DENND1A: variants seen among roughly 807,000 people sequenced by gnomAD.
DENND1A encodes DENN domain containing 1A.
Under a neutral mutation model 113.7 loss-of-function variants are expected in DENND1A, and 51 were observed. That is an observed-to-expected ratio of 0.45 (90% confidence interval 0.36 to 0.57). The LOEUF is 0.57. Ranked by LOEUF, DENND1A falls within the 20% of genes least tolerant of loss-of-function variation. DENND1A has a pLI of 0.00. For synonymous variants in DENND1A, 565 were observed against 570.8 expected, an observed-to-expected ratio of 0.99 and a Z score of 0.14; for missense variants, 1,258 against 1,395.9, an observed-to-expected ratio of 0.90 and a Z score of 1.57.
At chr9:123,540,986 C>T (rs2056247599) in intron 13 of DENND1A, among the ~76,000 whole-genome samples, 1 of 152,210 alleles carries the variant, frequency 6.6e-6, no homozygotes, top group African/African-American at 2.4e-5. Context: ...CACCCAGGAG[C>T]TTTCTCTATC....
At chr9:123,555,224 C>A (rs963111134) in intron 13 of DENND1A, among the ~76,000 whole-genome samples, 5 of 152,180 alleles carry the variant, frequency 3.3e-5, no homozygotes, top group African/African-American at 1.2e-4. Flanking sequence ...TCCCATAACA[C>A]TCCTCTAACT....
intron 7 of DENND1A, among the ~76,000 whole-genome samples, chr9:123,670,179 C>T (rs915258993): frequency 2.0e-5 from 3 of 152,088 alleles, no homozygotes; most frequent in Non-Finnish European, 4.4e-5. Flanking sequence ...TTGAAAAAAC[C>T]TACAAGGAAT....
chr9:123,904,232 A>G (rs1195567052), intron 1 of DENND1A, among the ~76,000 whole-genome samples: 2 of 152,120 alleles, frequency 1.3e-5, no homozygotes, highest in African/African-American at 2.4e-5. Context: ...CACCATCATC[A>G]AAGACCAAAA....
chr9:123,600,578 T>C (rs1184360510), intron 11 of DENND1A, among the ~76,000 whole-genome samples: 1 of 152,210 alleles, frequency 6.6e-6, no homozygotes, highest in East Asian at 1.9e-4. Context: ...TTTAAGAGGA[T>C]AGCAAAAGAA....
chr9:123,442,498 C>T (rs2047001211), intron 18 of DENND1A, among the ~76,000 whole-genome samples: 1 of 151,874 alleles, frequency 6.6e-6, no homozygotes, highest in African/African-American at 2.4e-5. Flanking sequence ...GAAGATCCTA[C>T]AAGATAGATA....
chr9:123,556,983 A>G (rs2057453958), intron 13 of DENND1A, among the ~76,000 whole-genome samples: 1 of 152,230 alleles, frequency 6.6e-6, no homozygotes, highest in African/African-American at 2.4e-5. Flanking sequence ...GAAAGGGGGA[A>G]GGGCCAGAGG....
At chr9:123,710,357 T>C (rs1223144439) in intron 5 of DENND1A, among the ~76,000 whole-genome samples, 1 of 152,232 alleles carries the variant, frequency 6.6e-6, no homozygotes, top group Non-Finnish European at 1.5e-5. Flanking sequence ...TGAAGGCCTT[T>C]TGTTTAGTTA....
chr9:123,705,041 T>C (rs566928352), intron 5 of DENND1A, among the ~76,000 whole-genome samples: 3 of 150,342 alleles, frequency 2.0e-5, no homozygotes, highest in South Asian at 4.2e-4. Context: ...TGTTCCAGAA[T>C]TGCTGAAATC....
chr9:123,697,601 T>C (rs540514749), intron 5 of DENND1A, among the ~76,000 whole-genome samples: 94 of 152,312 alleles, frequency 6.2e-4, no homozygotes, highest in Non-Finnish European at 1.0e-3. Context: ...TGCATCCTCA[T>C]AGCTTAGCTC....
At chr9:123,818,565 C>CATATAT (rs1366921470) in intron 2 of DENND1A, among the ~76,000 whole-genome samples, 145 of 45,458 alleles carry the variant, frequency 3.2e-3, no homozygotes, top group African/African-American at 6.8e-3. Context: ...CACACACACA[C>CATATAT]ACATATATAT....
chr9:123,401,950 T>C (rs765338835), intron 21 of DENND1A: 1 of 1,614,070 alleles, frequency 6.2e-7, no homozygotes. Flanking sequence ...TACATCTCAA[T>C]ATCAACAGGC....
At chr9:123,482,068 A>G (rs2808393) in intron 13 of DENND1A, among the ~76,000 whole-genome samples, 148,741 of 152,038 alleles carry the variant, frequency 0.98, 72,806 homozygotes, top group Middle Eastern at 1. Context: ...CCTCTCAAAG[A>G]GCTGGGATTA....
At chr9:123,912,535 C>T (rs992339992) in intron 1 of DENND1A, among the ~76,000 whole-genome samples, 3 of 152,186 alleles carry the variant, frequency 2.0e-5, no homozygotes, top group Non-Finnish European at 4.4e-5. Flanking sequence ...GAAACCCTGT[C>T]GTCCCACCCT....
At chr9:123,528,982 G>A (rs2055070784) in intron 13 of DENND1A, among the ~76,000 whole-genome samples, 1 of 152,194 alleles carries the variant, frequency 6.6e-6, no homozygotes, top group Admixed American at 6.5e-5. Flanking sequence ...CTCTGGCAGA[G>A]TTAATCACAT....
At chr9:123,443,568 A>C (rs1300679632) in intron 18 of DENND1A, among the ~76,000 whole-genome samples, 1 of 152,250 alleles carries the variant, frequency 6.6e-6, no homozygotes, top group Non-Finnish European at 1.5e-5. Context: ...CCACCAATTT[A>C]TTAGCCTCTT....
At chr9:123,734,889 G>A (rs1224938803) in intron 5 of DENND1A, among the ~76,000 whole-genome samples, 3 of 151,990 alleles carry the variant, frequency 2.0e-5, no homozygotes, top group African/African-American at 7.3e-5. Flanking sequence ...GTTGTCACTA[G>A]GTAAAACTTG....
intron 21 of DENND1A, among the ~76,000 whole-genome samples, chr9:123,391,975 C>T (rs1297488900): frequency 6.6e-6 from 1 of 152,132 alleles, no homozygotes; most frequent in East Asian, 1.9e-4. Context: ...ACCCCATCAT[C>T]CCCCACGGCT....
At chr9:123,619,447 C>T (rs2060828493) in intron 10 of DENND1A, among the ~76,000 whole-genome samples, 1 of 152,144 alleles carries the variant, frequency 6.6e-6, no homozygotes, top group African/African-American at 2.4e-5. Context: ...GAGACAGAGT[C>T]TCACTCTCCT....
At chr9:123,897,166 T>C (rs1156487266) in intron 1 of DENND1A, among the ~76,000 whole-genome samples, 1 of 152,224 alleles carries the variant, frequency 6.6e-6, no homozygotes, top group East Asian at 1.9e-4. Context: ...GGAGAATTCA[T>C]GGAGCGCTAT....
Sources: gnomAD v4.1 joint callset for allele counts (sites outside exome capture counted in the v4.1 genomes callset) on GRCh38, gnomAD v4.1.1 for gene constraint, MANE v1.5 for transcripts, NCBI Gene and HGNC (gene_info 2026-07-23, HGNC 2026-07-21) for gene names.